The following TMCC1 variants were observed in gnomAD, a reference collection of about 807,000 sequenced individuals.
TMCC1 encodes the protein transmembrane and coiled-coil domains protein 1.
A neutral mutation model predicts 52.4 loss-of-function variants in TMCC1; 15 were observed. That is an observed-to-expected ratio of 0.29 (90% CI 0.19 to 0.44). TMCC1 has a LOEUF of 0.44. Among genes scored for constraint, TMCC1 ranks in the 20% least tolerant of loss-of-function variants. The probability of loss-of-function intolerance (pLI) is 1.00; values close to 1 mark genes in which losing one functional copy is unlikely to be tolerated. For synonymous variants in TMCC1, 279 were observed against 301.9 expected (o/e 0.92, Z 0.79); for missense variants, 503 against 806.0 (o/e 0.62, Z 4.55).
chr3:129,858,374 C>A lies in TMCC1; in HGVS notation c.-184+21935G>T, dbSNP rs2060237187. Among the ~76,000 whole-genome samples the A allele has an allele frequency of 3.1e-4, 3 of 9,668 alleles. No homozygotes were observed. In the South Asian group the frequency reaches 0.025, roughly 79 times the overall value. 6.3% of individuals were successfully genotyped at this position (9,668 alleles called of 152,430 possible). A position where few individuals can be genotyped will look rare whatever the true frequency, so the allele number is the denominator to read the frequency against. ...ATTTCTACTATAATTTCCCATTTTACATTTTTGGTTTTTTTTGAGACAGTG... is the reference window on the plus strand; with the variant it reads ...ATTTCTACTATAATTTCCCATTTTAAATTTTTGGTTTTTTTTGAGACAGTG... On this transcript the variant is annotated intron_variant, in intron 2 of 6. Coordinates refer to ENST00000393238, the MANE Select transcript of TMCC1 (RefSeq NM_001017395.5).
chr3:129,859,718 G>C (rs2060302973), intron 2 of TMCC1, among the ~76,000 whole-genome samples: 1 of 151,616 alleles, frequency 6.6e-6, no homozygotes, highest in African/African-American at 2.4e-5. Flanking sequence ...TCATGGTCTA[G>C]GAAATTTACC....
chr3:129,826,390 C>G (rs2058662488), intron 4 of TMCC1, among the ~76,000 whole-genome samples: 2 of 150,878 alleles, frequency 1.3e-5, no homozygotes, highest in African/African-American at 4.9e-5. Context: ...GCCTGTAGTA[C>G]CAGCTACTCA....
At chr3:129,692,296 T>C (rs1307683190) in intron 4 of TMCC1, among the ~76,000 whole-genome samples, 1 of 152,258 alleles carries the variant, frequency 6.6e-6, no homozygotes, top group Admixed American at 6.5e-5. Flanking sequence ...ACAAGCTTTT[T>C]ATATCAATAG....
intron 4 of TMCC1, among the ~76,000 whole-genome samples, chr3:129,683,168 A>G (rs964471932): frequency 1.3e-5 from 2 of 152,210 alleles, no homozygotes; most frequent in Admixed American, 1.3e-4. Flanking sequence ...TCTAAGTTCT[A>G]CTGTTTTTGC....
intron 4 of TMCC1, among the ~76,000 whole-genome samples, chr3:129,700,639 G>C (rs1344114575): frequency 6.6e-6 from 1 of 151,998 alleles, no homozygotes; most frequent in Non-Finnish European, 1.5e-5. Context: ...ACCATGCCTG[G>C]CTAATTTTTG....
intron 2 of TMCC1, among the ~76,000 whole-genome samples, chr3:129,842,477 A>ACACACAC (rs1560529071): frequency 0.012 from 1,712 of 147,746 alleles, 25 homozygotes; most frequent in African/African-American, 0.04. Context: ...AAAAAAACAA[A>ACACACAC]ACACACACAC....
chr3:129,799,787 G>A (rs775888208), intron 4 of TMCC1, among the ~76,000 whole-genome samples: 3 of 152,162 alleles, frequency 2.0e-5, no homozygotes, highest in African/African-American at 4.8e-5. Flanking sequence ...ACTCCAGCCT[G>A]GGCGACAGAG....
At chr3:129,764,408 G>C (rs761784359) in intron 4 of TMCC1, among the ~76,000 whole-genome samples, 1 of 152,096 alleles carries the variant, frequency 6.6e-6, no homozygotes, top group African/African-American at 2.4e-5. Context: ...GTCCATACAA[G>C]GCCATAACAA....
chr3:129,731,665 C>T (rs1266786181), intron 4 of TMCC1, among the ~76,000 whole-genome samples: 2 of 152,038 alleles, frequency 1.3e-5, no homozygotes, highest in Non-Finnish European at 2.9e-5. Flanking sequence ...GCGTGAGCCA[C>T]CGTGCCTGGC....
intron 2 of TMCC1, among the ~76,000 whole-genome samples, chr3:129,879,928 C>G (rs978033306): frequency 3.3e-5 from 5 of 152,028 alleles, no homozygotes; most frequent in Admixed American, 1.3e-4. Flanking sequence ...AATCCCAGCA[C>G]TTTGGGAAGC....
intron 2 of TMCC1, among the ~76,000 whole-genome samples, chr3:129,845,623 C>T (rs932745793): frequency 6.6e-6 from 1 of 152,036 alleles, no homozygotes; most frequent in Non-Finnish European, 1.5e-5. Flanking sequence ...GAAAGAGGCC[C>T]CATGAAACTG....
intron 4 of TMCC1, among the ~76,000 whole-genome samples, chr3:129,777,220 A>C (rs575360179): frequency 1.3e-3 from 200 of 152,302 alleles, no homozygotes; most frequent in African/African-American, 3.9e-3. Flanking sequence ...TGCTAAATAC[A>C]ATATCTGCAA....
chr3:129,807,944 A>AT (rs2057555943), intron 4 of TMCC1, among the ~76,000 whole-genome samples: 1 of 152,232 alleles, frequency 6.6e-6, no homozygotes, highest in Admixed American at 6.5e-5. Context: ...GTCCCAGAAC[A>AT]AAAGATGTGC....
rs764293379 is a variant in TMCC1, at chr3:129,828,117, C to T, written c.262G>A (p.Ala88Thr). The change falls in exon 4 of 7, where the codon GCA becomes ACA. Residue 88 changes from alanine to threonine, a missense_variant. Physicochemically the swap from Ala to Thr is moderately conservative, Grantham distance 58 (BLOSUM62 0). Transcript: ENST00000393238. The surrounding 1 kb of genome is among the most constrained non-coding windows in gnomAD (Gnocchi z 4.1). The part of the protein sequence containing the change: ...EPEMDLESQN[A>T]CAEIDGVPTH... Reference sequence around the variant, plus strand: ...GGGACACCATCAATCTCAGCACATGCGTTCTGGCTTTCCAGATCCATTTCA... The same window carrying T: ...GGGACACCATCAATCTCAGCACATGTGTTCTGGCTTTCCAGATCCATTTCA... The T allele has an allele frequency of 9.3e-6, 15 of 1,614,052 alleles. No homozygotes were observed. The African/African-American group carries it at 1.3e-4, about 14-fold the overall frequency.
chr3:129,790,418 G>A (rs1050842822), intron 4 of TMCC1, among the ~76,000 whole-genome samples: 2 of 152,108 alleles, frequency 1.3e-5, no homozygotes, highest in Admixed American at 6.5e-5. Context: ...TGAACTACAC[G>A]AAATGACACA....
chr3:129,653,585 A>G (rs566381548), intron 6 of TMCC1, among the ~76,000 whole-genome samples: 1 of 152,316 alleles, frequency 6.6e-6, no homozygotes, highest in East Asian at 1.9e-4. Flanking sequence ...CTGGGACTAC[A>G]GGTGCCCGCC....
chr3:129,868,305 T>G (rs1022392771), intron 2 of TMCC1, among the ~76,000 whole-genome samples: 1 of 152,218 alleles, frequency 6.6e-6, no homozygotes, highest in Admixed American at 6.5e-5. Context: ...AAATGAACAT[T>G]ATTCCTGGCA....
chr3:129,806,619 A>AC (rs1453783946), intron 4 of TMCC1, among the ~76,000 whole-genome samples: 2 of 152,242 alleles, frequency 1.3e-5, no homozygotes, highest in African/African-American at 4.8e-5. Context: ...ACACTTGAGA[A>AC]AAGTCTTTAA....
chr3:129,692,912 G>A (rs1407194917), intron 4 of TMCC1, among the ~76,000 whole-genome samples: 2 of 151,904 alleles, frequency 1.3e-5, no homozygotes, highest in South Asian at 2.1e-4. Flanking sequence ...GTACCATCTC[G>A]GCTGACTGCA....
Sources: allele counts gnomAD v4.1 joint callset (sites outside exome capture counted in the v4.1 genomes callset), GRCh38; gene constraint gnomAD v4.1.1; non-coding constraint Gnocchi (gnomAD v3.1); transcripts MANE v1.5; gene names NCBI Gene and HGNC (gene_info 2026-07-23, HGNC 2026-07-21).